CNTNAP2: variants seen among roughly 807,000 people sequenced by gnomAD.
CNTNAP2 encodes the protein contactin-associated protein-like 2.
Under a neutral mutation model 155.2 loss-of-function variants are expected in CNTNAP2, and 98 were observed. The observed-to-expected ratio is 0.63, with a 90% CI of 0.54 to 0.75. The LOEUF (loss-of-function observed/expected upper bound fraction) is 0.75, where lower values mean the gene tolerates loss of function less well. CNTNAP2 is among the 30% of genes least tolerant of loss of function. The pLI is 0.00. For missense variants in CNTNAP2, 1,727 were observed against 1,688.1 expected (o/e 1.02, Z -0.40); for synonymous variants, 651 against 631.2 (o/e 1.03, Z -0.47).
chr7:147,574,466 T>C (rs1040149372), intron 12 of CNTNAP2, among the ~76,000 whole-genome samples: 8 of 152,158 alleles, frequency 5.3e-5, no homozygotes, highest in Admixed American at 6.6e-5. Flanking sequence ...TCCTTGTGAA[T>C]AGCTCTTCCT....
At chr7:146,910,914 A>G (rs71534727) in intron 3 of CNTNAP2, among the ~76,000 whole-genome samples, 41,146 of 150,766 alleles carry the variant, frequency 0.27, 7,088 homozygotes, top group Non-Finnish European at 0.37. Flanking sequence ...CATCTGACAA[A>G]GAGCTAATAT....
At chr7:147,354,702 A>G (rs1475357515) in intron 9 of CNTNAP2, among the ~76,000 whole-genome samples, 4 of 152,172 alleles carry the variant, frequency 2.6e-5, no homozygotes, top group Non-Finnish European at 4.4e-5. Context: ...TGGGGATAGC[A>G]TTGAATCTGT....
At chr7:146,446,362 A>G (rs528688986) in intron 1 of CNTNAP2, among the ~76,000 whole-genome samples, 13 of 152,126 alleles carry the variant, frequency 8.5e-5, no homozygotes, top group Non-Finnish European at 1.9e-4. Context: ...CAAATTATCT[A>G]GAGAAATCTT....
intron 14 of CNTNAP2, among the ~76,000 whole-genome samples, chr7:147,935,181 C>G (rs767182570): frequency 4.0e-5 from 6 of 151,628 alleles, no homozygotes; most frequent in Non-Finnish European, 8.8e-5. Flanking sequence ...GGCTGCAGTG[C>G]AGTGGTGCGA....
chr7:146,656,250 C>T (rs1159241197), intron 1 of CNTNAP2, among the ~76,000 whole-genome samples: 1 of 152,190 alleles, frequency 6.6e-6, no homozygotes, highest in African/African-American at 2.4e-5. Flanking sequence ...ATTGCACACA[C>T]ACTCGTTCTG....
At chr7:148,033,959 T>A (rs1802527670) in intron 15 of CNTNAP2, among the ~76,000 whole-genome samples, 1 of 151,996 alleles carries the variant, frequency 6.6e-6, no homozygotes, top group African/African-American at 2.4e-5. Flanking sequence ...CATCAAACAT[T>A]AGAGAAAGCA....
At chr7:146,955,320 G>A (rs1366102459) in intron 3 of CNTNAP2, among the ~76,000 whole-genome samples, 1 of 151,918 alleles carries the variant, frequency 6.6e-6, no homozygotes, top group Non-Finnish European at 1.5e-5. Context: ...GTTTATCCCT[G>A]TAGTTGGAAG....
chr7:146,707,281 A>G (rs1056399827), intron 1 of CNTNAP2, among the ~76,000 whole-genome samples: 12 of 152,022 alleles, frequency 7.9e-5, no homozygotes, highest in African/African-American at 2.9e-4. Context: ...ATTCACGGCC[A>G]CCTCTTATGC....
chr7:147,829,614 A>T (rs756261624), intron 13 of CNTNAP2, among the ~76,000 whole-genome samples: 2 of 152,086 alleles, frequency 1.3e-5, no homozygotes, highest in Non-Finnish European at 2.9e-5. Flanking sequence ...AGGTCATAGG[A>T]CTCTAGGTAA....
chr7:147,113,843 T>C (rs1190152287), intron 5 of CNTNAP2, among the ~76,000 whole-genome samples: 1 of 152,196 alleles, frequency 6.6e-6, no homozygotes, highest in Non-Finnish European at 1.5e-5. Context: ...GGTTATTTCT[T>C]GTCTTCTACT....
At chr7:148,229,424 C>A (rs1183518087) in intron 19 of CNTNAP2, among the ~76,000 whole-genome samples, 2 of 152,054 alleles carry the variant, frequency 1.3e-5, no homozygotes, top group Admixed American at 6.5e-5. Flanking sequence ...ACTCAGGAAG[C>A]TGAGGCAGGA....
chr7:148,348,085 C>T (rs1376798591), intron 21 of CNTNAP2, among the ~76,000 whole-genome samples: 1 of 152,118 alleles, frequency 6.6e-6, no homozygotes, highest in African/African-American at 2.4e-5. Flanking sequence ...GTAGTTCTTC[C>T]CCCTCTTCCC....
At chr7:147,155,966 A>C (rs560556436) in intron 8 of CNTNAP2, among the ~76,000 whole-genome samples, 2 of 152,212 alleles carry the variant, frequency 1.3e-5, no homozygotes, top group African/African-American at 4.8e-5. Context: ...AATGCTACTG[A>C]TACCATTTAG....
At chr7:146,805,387 G>T (rs1009343648) in intron 2 of CNTNAP2, among the ~76,000 whole-genome samples, 6 of 152,282 alleles carry the variant, frequency 3.9e-5, no homozygotes, top group Admixed American at 2.0e-4. Context: ...CATCACTTGG[G>T]ATTGGTGGGT....
chr7:147,616,977 C>T (rs191587809), intron 12 of CNTNAP2, among the ~76,000 whole-genome samples: 137 of 152,266 alleles, frequency 9.0e-4, no homozygotes, highest in African/African-American at 3.2e-3. Context: ...CGCCTACGAT[C>T]GTGTGCTAGA....
At chr7:146,688,123 T>C in intron 1 of CNTNAP2, among the ~76,000 whole-genome samples, 1 of 152,170 alleles carries the variant, frequency 6.6e-6, no homozygotes. Context: ...CAGCATTAAA[T>C]AGGCGTCTGT....
intron 1 of CNTNAP2, among the ~76,000 whole-genome samples, chr7:146,756,578 C>T (rs1480939677): frequency 6.6e-6 from 1 of 151,978 alleles, no homozygotes; most frequent in East Asian, 1.9e-4. Context: ...TCAATATATA[C>T]ACACGGGCTT....
At chr7:148,154,324 G>A (rs1464214971) in intron 17 of CNTNAP2, among the ~76,000 whole-genome samples, 1 of 152,190 alleles carries the variant, frequency 6.6e-6, no homozygotes, top group Non-Finnish European at 1.5e-5. Flanking sequence ...GTGGCAACCT[G>A]AGTTTATGGA....
intron 3 of CNTNAP2, among the ~76,000 whole-genome samples, chr7:146,901,747 C>T (rs1264235304): frequency 2.0e-5 from 3 of 151,750 alleles, no homozygotes; most frequent in African/African-American, 4.8e-5. Context: ...TATCAGGACT[C>T]TGAAAAAAAT....
Sources: allele counts gnomAD v4.1 joint callset (sites outside exome capture counted in the v4.1 genomes callset), GRCh38; gene constraint gnomAD v4.1.1; transcripts MANE v1.5; gene names NCBI Gene and HGNC (gene_info 2026-07-23, HGNC 2026-07-21).